Variants in DAZAP2 observed in about 807,000 individuals in gnomAD.
DAZAP2 encodes the protein DAZ-associated protein 2.
Under a neutral mutation model 16.2 loss-of-function variants are expected in DAZAP2, and 3 were observed. The observed-to-expected ratio is 0.19, with a 90% CI of 0.08 to 0.48. The LOEUF (loss-of-function observed/expected upper bound fraction) is 0.48. DAZAP2 is among the 20% of genes least tolerant of loss of function. The pLI is 0.98. For synonymous variants in DAZAP2, 69 were observed against 77.6 expected (o/e 0.89, Z 0.58); for missense variants, 172 against 215.9 (o/e 0.80, Z 1.27).
In DAZAP2 at chr12:51,240,899, G is replaced by A; in HGVS notation, c.161G>A (p.Gly54Glu). The A allele has an allele frequency of 1.9e-6, 3 of 1,613,994 alleles. No individual in the cohort carries two copies. The highest frequency in any genetic ancestry group is 2.5e-6 in the Non-Finnish European group (3 of 1,179,974). The change falls in exon 3 of 4, where the codon GGG (glycine) becomes GAG (glutamate). Residue 54 changes from glycine to glutamate, a missense_variant. Transcript: ENST00000412716. ...TATCGTCCGAGCTTTGTGCACCCAGGGGCTGCCACAGTCCCCACCATGTCA... is the reference window on the plus strand; with the variant it reads ...TATCGTCCGAGCTTTGTGCACCCAGAGGCTGCCACAGTCCCCACCATGTCA... ...ELYRPSFVHP[G>E]AATVPTMSAA...
chr12:51,242,178 C>G (rs1262320601), intron 3 of DAZAP2, 152 bp from the exon 4 acceptor site: 1 of 1,074,408 alleles, frequency 9.3e-7, no homozygotes, highest in African/African-American at 1.6e-5. Flanking sequence ...AAGTATAGAC[C>G]TACTTTAGAA....
chr12:51,239,582 C>G (rs953334062), intron 1 of DAZAP2: 2 of 152,006 alleles, frequency 1.3e-5, no homozygotes, highest in Non-Finnish European at 2.9e-5. Flanking sequence ...AGTTCGAGAC[C>G]AGCCTGGCCA....
intron 1 of DAZAP2, 144 bp downstream of exon 1, chr12:51,239,064 C>T: frequency 8.4e-7 from 1 of 1,193,124 alleles, no homozygotes. Flanking sequence ...GGCGCTGCGC[C>T]TGACGCCTTC....
rs1460405492 is a variant in DAZAP2 at position 51,243,907 on chromosome 12, G to A, written c.*1449G>A. The A allele has an allele frequency of 5.1e-6, 5 of 985,144 alleles. No homozygotes were observed. Among genetic ancestry groups the A allele is most frequent in the East Asian group, 1.1e-4 (1 of 8,826 alleles). 61.0% of individuals were successfully genotyped at this position (985,144 alleles called of 1,614,324 possible). A position where few individuals can be genotyped will look rare whatever the true frequency, so the allele number is the denominator to read the frequency against. Reference sequence around the variant, plus strand: ...GCTCTGTTTCCTTTGATGACGCTTTGAAATAAAGGCAGGAGTACAAGCCTA... The same window carrying A: ...GCTCTGTTTCCTTTGATGACGCTTTAAAATAAAGGCAGGAGTACAAGCCTA... On this transcript the variant is annotated 3_prime_UTR_variant, in exon 4 of 4. Transcript: ENST00000412716.
chr12:51,239,242 C>CGGCGGA (rs1944615978), intron 1 of DAZAP2: 1 of 314,140 alleles, frequency 3.2e-6, no homozygotes, highest in Non-Finnish European at 5.9e-6. Context: ...AATGGAGAGC[C>CGGCGGA]GGCGGAGGCG....
chr12:51,239,129 CTG>C (rs966654170), intron 1 of DAZAP2: 8 of 679,504 alleles, frequency 1.2e-5, no homozygotes, highest in African/African-American at 7.6e-5. Context: ...TCCGTAAACT[CTG>C]TGGCGCAGTT....
In DAZAP2 at chr12:51,242,706, G is replaced by A. The variant is rs536198616; in HGVS notation, c.*248G>A. 8.8e-6 allele frequency: 13 copies of A among 1,479,288 alleles called. No homozygotes were observed. Among genetic ancestry groups the A allele is most frequent in the South Asian group, 7.0e-5 (5 of 71,302 alleles). The allele number at this position is 1,479,288 out of a possible 1,614,324, so 91.6% of individuals were successfully genotyped here. On this transcript the variant is annotated 3_prime_UTR_variant, in exon 4 of 4. Coordinates refer to ENST00000412716, the MANE Select transcript of DAZAP2 (RefSeq NM_014764.4). Reference sequence around the variant, plus strand: ...TCATAAAATGAATGTGGGTGAAGCCGCCCTAAGGATTTTCCTTTAATTTCT... The same window carrying A: ...TCATAAAATGAATGTGGGTGAAGCCACCCTAAGGATTTTCCTTTAATTTCT...
Position 51,243,608 on chromosome 12 carries a change from A to G in DAZAP2, c.*1150A>G. 2.0e-6 allele frequency: 2 copies of G among 985,620 alleles called. No homozygotes were observed. The highest frequency in any genetic ancestry group is 9.4e-5 in the South Asian group (2 of 21,280). 61.1% of individuals were successfully genotyped at this position (985,620 alleles called of 1,614,324 possible). ...TTATTTTATCTTATAATTTCAGTTCATCTAAATTGTGTGTTCTGTACATGT... is the reference window on the plus strand; with the variant it reads ...TTATTTTATCTTATAATTTCAGTTCGTCTAAATTGTGTGTTCTGTACATGT... On this transcript the variant is annotated 3_prime_UTR_variant, in exon 4 of 4. Coordinates refer to ENST00000412716, the MANE Select transcript of DAZAP2 (RefSeq NM_014764.4).
At chr12:51,244,200 T>C (rs1944733399), downstream of DAZAP2, among the ~76,000 whole-genome samples, 2 of 152,168 alleles carry the variant, frequency 1.3e-5, no homozygotes, top group South Asian at 4.1e-4. Flanking sequence ...ATTCCTCAGC[T>C]CTTTTATTTA....
chr12:51,242,312 C>G lies in DAZAP2; in HGVS notation c.379-18C>G, dbSNP rs775952142. ...ATTAGCTGCCCTGTGCCCATTCTAT[C>G]ATGTCATTTCCTTTCAGCCTCCACC... On this transcript the variant is annotated intron_variant, in intron 3 of 3. Transcript: ENST00000412716. 1 of 1,567,856 alleles carries G rather than the reference C, an allele frequency of 6.4e-7. No homozygotes were observed. The highest frequency in any genetic ancestry group is 8.6e-7 in the Non-Finnish European group (1 of 1,158,062).
At chr12:51,245,859 C>A, downstream of DAZAP2, 1 of 1,481,582 alleles carries the variant, frequency 6.7e-7, no homozygotes, top group Non-Finnish European at 9.1e-7. Context: ...TTCTCCCTGG[C>A]TTCAGAGAAA....
chr12:51,244,282 C>T (rs929320616), downstream of DAZAP2, among the ~76,000 whole-genome samples: 3 of 152,162 alleles, frequency 2.0e-5, no homozygotes, highest in South Asian at 6.2e-4. Flanking sequence ...CTGCAACCTC[C>T]ACCTCCCGGG....
downstream of DAZAP2, chr12:51,246,576 C>CT (rs1944772881): frequency 2.0e-6 from 1 of 497,742 alleles, no homozygotes; most frequent in Admixed American, 3.8e-5. Flanking sequence ...GGTAGTGCCT[C>CT]TGACAGAAGC....
At chr12:51,240,159 A>G (rs1301512632) in intron 1 of DAZAP2, 184 bp from the exon 2 acceptor site, 38 of 604,178 alleles carry the variant, frequency 6.3e-5, no homozygotes, top group Non-Finnish European at 8.9e-6. Flanking sequence ...AGAATCCAGC[A>G]CCTTCCATTT....
intron 1 of DAZAP2, 22 bp downstream of exon 1, chr12:51,238,942 G>C (rs370141662): frequency 2.5e-5 from 40 of 1,613,112 alleles, no homozygotes; most frequent in Non-Finnish European, 3.1e-5. Flanking sequence ...GGGTGGCAGA[G>C]GCCGTCGGGG....
In DAZAP2 at chr12:51,238,877, G is replaced by T; in HGVS notation, c.-31G>T. On this transcript the variant is annotated 5_prime_UTR_variant, in exon 1 of 4. Coordinates refer to ENST00000412716, the MANE Select transcript of DAZAP2 (RefSeq NM_014764.4). ...GAGGACGAAAAAAATAACCGTCCGCGACGCCGAGACAAACCGGACCCGCAA... is the reference window on the plus strand; with the variant it reads ...GAGGACGAAAAAAATAACCGTCCGCTACGCCGAGACAAACCGGACCCGCAA... 6.2e-7 allele frequency: 1 copy of T among 1,613,102 alleles called. No homozygotes were observed. The highest frequency in any genetic ancestry group is 1.1e-5 in the South Asian group (1 of 91,070).
downstream of DAZAP2, chr12:51,246,253 A>C: frequency 2.3e-6 from 3 of 1,330,978 alleles, no homozygotes; most frequent in South Asian, 4.6e-5. Context: ...ACTTCCATCC[A>C]AACCCATGTT....
chr12:51,246,645 AACTT>A (rs2137293222), downstream of DAZAP2: 1 of 631,794 alleles, frequency 1.6e-6, no homozygotes, highest in Non-Finnish European at 2.4e-6. Context: ...TGTGTAATAT[AACTT>A]ACAAGCCAGA....
intron 2 of DAZAP2, 196 bp downstream of exon 2, chr12:51,240,657 T>C (rs1944659421): frequency 4.7e-6 from 4 of 851,260 alleles, no homozygotes; most frequent in South Asian, 1.8e-5. Context: ...TGGCACAGGC[T>C]AAGGTGCAGA....
Sources: gnomAD v4.1 joint callset for allele counts (sites outside exome capture counted in the v4.1 genomes callset) on GRCh38, gnomAD v4.1.1 for gene constraint, MANE v1.5 for transcripts, NCBI Gene and HGNC (gene_info 2026-07-23, HGNC 2026-07-21) for gene names.